Variants in EPHB2 observed in about 807,000 individuals in gnomAD.
EPHB2 encodes the protein ephrin type-B receptor 2.
Under a neutral mutation model 96.4 loss-of-function variants are expected in EPHB2, and 18 were observed. The ratio of observed to expected loss-of-function variants is 0.19; its 90% CI spans 0.13 to 0.28. EPHB2 has a LOEUF of 0.28. EPHB2 is among the 10% of genes least tolerant of loss of function. The pLI, the probability that EPHB2 is intolerant of heterozygous loss-of-function variation, is 1.00. For synonymous variants in EPHB2, 506 were observed against 534.1 expected (o/e 0.95, Z 0.72); for missense variants, 989 against 1,355.4 (o/e 0.73, Z 4.25).
intron 1 of EPHB2, among the ~76,000 whole-genome samples, chr1:22,726,543 C>A (rs561369238): frequency 6.6e-6 from 1 of 152,192 alleles, no homozygotes; most frequent in Admixed American, 6.5e-5. Context: ...GCCTCAGTCT[C>A]CTGAGTAGCT....
intron 3 of EPHB2, among the ~76,000 whole-genome samples, chr1:22,805,413 C>G (rs904857337): frequency 6.6e-6 from 1 of 152,162 alleles, no homozygotes; most frequent in Admixed American, 6.5e-5. Flanking sequence ...TCCTGTGGTA[C>G]TCCCCAAGGT....
intron 3 of EPHB2, among the ~76,000 whole-genome samples, chr1:22,798,302 A>G (rs1305777568): frequency 8.5e-5 from 13 of 152,214 alleles, no homozygotes; most frequent in African/African-American, 2.6e-4. Flanking sequence ...CTCCTGAGGG[A>G]CTGACATGGC....
At chr1:22,742,312 G>A (rs1035237971) in intron 1 of EPHB2, among the ~76,000 whole-genome samples, 1 of 152,132 alleles carries the variant, frequency 6.6e-6, no homozygotes, top group Non-Finnish European at 1.5e-5. Context: ...TGCATTCAGG[G>A]TGGGCTGGGA....
chr1:22,896,607 G>A (rs1371685516), intron 9 of EPHB2, 129 bp downstream of exon 9: 7 of 1,259,600 alleles, frequency 5.6e-6, no homozygotes, highest in Non-Finnish European at 7.9e-6. Flanking sequence ...TTGCCTGGTT[G>A]CACTAAGCTC....
At position 22,812,050 on chromosome 1, in the gene EPHB2, TA is replaced by T. The variant is rs1352132502; in HGVS notation, c.811+26979del. Among the ~76,000 whole-genome samples the T allele has an allele frequency of 2.0e-5, 3 of 152,174 alleles. No homozygotes were observed. In the East Asian group the frequency reaches 5.8e-4, roughly 29 times the overall value. ...CAAGAGCTTGTCTCAAAAAACGAAATAAAAACCCCAGCCACAGCCCTGCTTA... is the reference window on the plus strand; with the variant it reads ...CAAGAGCTTGTCTCAAAAAACGAAATAAAACCCCAGCCACAGCCCTGCTTA... On this transcript the variant is annotated intron_variant, in intron 3 of 15. Transcript: ENST00000374630.
At chr1:22,754,909 C>G (rs116126060) in intron 1 of EPHB2, among the ~76,000 whole-genome samples, 2 of 7,798 alleles carry the variant, frequency 2.6e-4, no homozygotes, top group African/African-American at 5.9e-4. Flanking sequence ...GGAGGTGAGG[C>G]GAGGGGCAGG....
chr1:22,854,572 T>C (rs542146778), intron 3 of EPHB2, among the ~76,000 whole-genome samples: 33 of 152,308 alleles, frequency 2.2e-4, no homozygotes, highest in African/African-American at 7.5e-4. Flanking sequence ...ACCCTAAGTC[T>C]CTATGTGATT....
At chr1:22,904,176 C>G (rs1053893058) in intron 9 of EPHB2, among the ~76,000 whole-genome samples, 5 of 151,704 alleles carry the variant, frequency 3.3e-5, no homozygotes, top group African/African-American at 1.2e-4. Flanking sequence ...GGCTGTAATC[C>G]CAACTACTTG....
At chr1:22,775,138 T>C in intron 1 of EPHB2, 1 of 775,874 alleles carries the variant, frequency 1.3e-6, no homozygotes, top group Middle Eastern at 2.3e-4. Context: ...TTGTTTTGTG[T>C]TGTCTGTTTT....
intron 1 of EPHB2, among the ~76,000 whole-genome samples, chr1:22,760,488 G>A (rs1178685990): frequency 3.3e-5 from 5 of 152,184 alleles, no homozygotes; most frequent in African/African-American, 4.8e-5. Flanking sequence ...CCCCACCTGT[G>A]CCCTCTTCCC....
At chr1:22,842,647 G>T (rs1645486324) in intron 3 of EPHB2, among the ~76,000 whole-genome samples, 1 of 152,088 alleles carries the variant, frequency 6.6e-6, no homozygotes, top group Non-Finnish European at 1.5e-5. Flanking sequence ...GTGGCCATGG[G>T]GCCCACAGTT....
chr1:22,828,551 G>T (rs1645257249), intron 3 of EPHB2, among the ~76,000 whole-genome samples: 1 of 152,128 alleles, frequency 6.6e-6, no homozygotes, highest in Admixed American at 6.5e-5. Flanking sequence ...AACACTGATA[G>T]AACGGTCAAG....
intron 3 of EPHB2, among the ~76,000 whole-genome samples, chr1:22,847,132 A>G (rs574798489): frequency 1.3e-5 from 2 of 152,324 alleles, no homozygotes; most frequent in African/African-American, 4.8e-5. Flanking sequence ...AATAGTACTC[A>G]TGGGGTTGCT....
chr1:22,904,305 A>AAAT (rs1319556329), intron 9 of EPHB2, among the ~76,000 whole-genome samples: 4 of 98,238 alleles, frequency 4.1e-5, no homozygotes, highest in South Asian at 2.8e-4. Context: ...AAAAAAAAAA[A>AAAT]AATTAATTAA....
At chr1:22,794,224 G>C (rs887262478) in intron 3 of EPHB2, among the ~76,000 whole-genome samples, 6 of 152,174 alleles carry the variant, frequency 3.9e-5, no homozygotes, top group Non-Finnish European at 7.4e-5. Flanking sequence ...AAAGGAAAGA[G>C]GGGGCTGACC....
rs763891249 is a variant in EPHB2 at position 22,919,422 on chromosome 1, A to T, written c.*5852A>T. ...CATGAAGGCTGCCTTGAGAAAGCTG[A>T]TATAACAAGAAGCAGCAGAAATTTA... On this transcript the variant is annotated 3_prime_UTR_variant, in exon 16 of 16. Transcript: ENST00000374630. 3.3e-5 allele frequency: 5 copies of T among 152,260 alleles called. No individual in the cohort carries two copies. The highest frequency in any genetic ancestry group is 7.3e-5 in the Non-Finnish European group (5 of 68,062). 9.4% of individuals were successfully genotyped at this position (152,260 alleles called of 1,614,324 possible). A position where few individuals can be genotyped will look rare whatever the true frequency, so the allele number is the denominator to read the frequency against.
chr1:22,775,089 G>C, intron 1 of EPHB2: 2 of 724,788 alleles, frequency 2.8e-6, no homozygotes, highest in South Asian at 1.5e-5. Flanking sequence ...CATGCAGAGA[G>C]AGAAGATAAA....
At chr1:22,774,124 CT>C (rs769878829) in intron 1 of EPHB2, among the ~76,000 whole-genome samples, 19 of 152,206 alleles carry the variant, frequency 1.2e-4, no homozygotes, top group Non-Finnish European at 2.8e-4. Context: ...GTGCCCTTCC[CT>C]CTCCTCCCAG....
intron 1 of EPHB2, among the ~76,000 whole-genome samples, chr1:22,715,540 C>G (rs182431422): frequency 6.6e-6 from 1 of 152,262 alleles, no homozygotes; most frequent in Admixed American, 6.5e-5. Flanking sequence ...ATGTCTGTTT[C>G]TTTTGCTTCT....
Sources: allele counts gnomAD v4.1 joint callset (sites outside exome capture counted in the v4.1 genomes callset), GRCh38; gene constraint gnomAD v4.1.1; transcripts MANE v1.5; gene names NCBI Gene and HGNC (gene_info 2026-07-23, HGNC 2026-07-21).